GRM1: variants seen among roughly 807,000 people sequenced by gnomAD.
GRM1 encodes metabotropic glutamate receptor 1.
In GRM1, 33 loss-of-function variants were observed where a neutral mutation model predicts 90.9. The observed-to-expected ratio is 0.36, with a 90% CI of 0.28 to 0.49. GRM1 has a LOEUF of 0.49. Among genes scored for constraint, GRM1 ranks in the 20% least tolerant of loss-of-function variants. The pLI is 0.99. For missense variants in GRM1, 1,190 were observed against 1,534.3 expected, an observed-to-expected ratio of 0.78 and a Z score of 3.75; for synonymous variants, 700 against 613.2, an observed-to-expected ratio of 1.14 and a Z score of -2.09.
rs362892 is a variant in GRM1 at position 146,357,746 on chromosome 6, G to A, written c.1602+52G>A. The A allele has an allele frequency of 0.023, 31,574 of 1,376,916 alleles. 468 individuals are homozygous for A. Among genetic ancestry groups the A allele is most frequent in the Middle Eastern group, 0.038 (213 of 5,622 alleles). The allele number at this position is 1,376,916 out of a possible 1,614,324, so 85.3% of individuals were successfully genotyped here. A position where few individuals can be genotyped will look rare whatever the true frequency, so the allele number is the denominator to read the frequency against. Reference sequence around the variant, plus strand: ...GTATCTGTGAGGAGGTTGGCTGCCTGGACATTAGTAAAGAACAACACAGAC... The same window carrying A: ...GTATCTGTGAGGAGGTTGGCTGCCTAGACATTAGTAAAGAACAACACAGAC... On this transcript the variant is annotated intron_variant, in intron 5 of 7. Transcript: ENST00000282753.
At chr6:146,332,162 G>A (rs187950536) in intron 3 of GRM1, among the ~76,000 whole-genome samples, 7 of 152,226 alleles carry the variant, frequency 4.6e-5, no homozygotes, top group Admixed American at 2.6e-4. Flanking sequence ...GTGTGTATCT[G>A]CCAATGAGAG....
intron 1 of GRM1, among the ~76,000 whole-genome samples, chr6:146,071,555 G>T (rs1232532334): frequency 6.6e-6 from 1 of 152,070 alleles, no homozygotes; most frequent in Non-Finnish European, 1.5e-5. Flanking sequence ...GGAAGAGCAT[G>T]GTTTCTTTAG....
At chr6:146,318,314 T>C (rs1784049083) in intron 3 of GRM1, among the ~76,000 whole-genome samples, 1 of 152,212 alleles carries the variant, frequency 6.6e-6, no homozygotes, top group South Asian at 2.1e-4. Context: ...TCCATGTCCC[T>C]GCAAAGGACA....
intron 1 of GRM1, among the ~76,000 whole-genome samples, chr6:146,061,656 G>T (rs1775673147): frequency 6.6e-6 from 1 of 151,914 alleles, no homozygotes; most frequent in South Asian, 2.1e-4. Flanking sequence ...ACTGGGTGAA[G>T]GATATGAACA....
intron 3 of GRM1, among the ~76,000 whole-genome samples, chr6:146,318,598 G>A (rs1300972713): frequency 6.6e-6 from 1 of 152,128 alleles, no homozygotes; most frequent in Non-Finnish European, 1.5e-5. Flanking sequence ...CACTATGGTT[G>A]AACTAATTTA....
chr6:146,296,111 A>G (rs1309207775), intron 2 of GRM1, among the ~76,000 whole-genome samples: 3 of 152,088 alleles, frequency 2.0e-5, no homozygotes, highest in Non-Finnish European at 2.9e-5. Flanking sequence ...TCTTTATCCA[A>G]TCTGTTATAG....
chr6:146,199,641 G>C (rs540435536), intron 2 of GRM1, among the ~76,000 whole-genome samples: 1 of 152,272 alleles, frequency 6.6e-6, no homozygotes, highest in East Asian at 1.9e-4. Context: ...ACTGCCAGTA[G>C]AGGAGGTATG....
chr6:146,423,607 G>A (rs1157163053), intron 7 of GRM1, among the ~76,000 whole-genome samples: 1 of 152,058 alleles, frequency 6.6e-6, no homozygotes, highest in Non-Finnish European at 1.5e-5. Context: ...GCAGGAGTAG[G>A]TTTTAAGAGG....
chr6:146,249,790 C>T (rs771946187), intron 2 of GRM1, among the ~76,000 whole-genome samples: 32 of 152,248 alleles, frequency 2.1e-4, no homozygotes, highest in Admixed American at 5.2e-4. Flanking sequence ...CACCATGCAC[C>T]TGGAAAAGCC....
intron 5 of GRM1, among the ~76,000 whole-genome samples, chr6:146,366,174 A>C (rs2115077642): frequency 6.6e-6 from 1 of 152,338 alleles, no homozygotes; most frequent in South Asian, 2.1e-4. Context: ...TGAGTCAATG[A>C]ATGACTGAAT....
rs150168424 is a variant in GRM1 at position 146,260,968 on chromosome 6, C to T, written c.951-43643C>T. ...CATCTAGATACTGCTTGGCAAAAGC[C>T]GGGGTAGAGACATTGAGTGAAAGCC... On this transcript the variant is annotated intron_variant, in intron 2 of 7. Coordinates refer to ENST00000282753, the MANE Select transcript of GRM1 (RefSeq NM_001278064.2). Among the ~76,000 whole-genome samples the T allele has an allele frequency of 3.3e-3, 507 of 151,548 alleles. 8 individuals are homozygous for T. The highest frequency in any genetic ancestry group is 3.3e-3 in the Non-Finnish European group (223 of 67,874).
intron 2 of GRM1, among the ~76,000 whole-genome samples, chr6:146,228,521 G>T (rs1583193385): frequency 6.6e-6 from 1 of 152,140 alleles, no homozygotes. Context: ...CAGTGGCAAT[G>T]AAATTTCAAC....
At chr6:146,348,598 G>A (rs1785264299) in intron 3 of GRM1, among the ~76,000 whole-genome samples, 1 of 152,230 alleles carries the variant, frequency 6.6e-6, no homozygotes, top group African/African-American at 2.4e-5. Flanking sequence ...GGAAAGAGGT[G>A]TGAGCTATTA....
chr6:146,220,750 G>A (rs773725014), intron 2 of GRM1, among the ~76,000 whole-genome samples: 3 of 152,052 alleles, frequency 2.0e-5, no homozygotes, highest in African/African-American at 7.2e-5. Context: ...TACAGTAAAG[G>A]GGAAGGACAA....
At chr6:146,398,706 A>G (rs746039803) in intron 6 of GRM1, 63 bp from the exon 7 acceptor site, 2 of 1,079,210 alleles carry the variant, frequency 1.9e-6, no homozygotes, top group Admixed American at 1.7e-5. Context: ...GGTAATTAAT[A>G]GGCAAGTTGT....
chr6:146,095,938 C>A (rs936485372), intron 1 of GRM1, among the ~76,000 whole-genome samples: 5 of 152,102 alleles, frequency 3.3e-5, no homozygotes, highest in African/African-American at 1.2e-4. Flanking sequence ...GCAGTCTTTT[C>A]CATTTCAGAC....
chr6:146,159,761 T>C, intron 2 of GRM1, 164 bp downstream of exon 2: 2 of 641,056 alleles, frequency 3.1e-6, no homozygotes, highest in South Asian at 1.9e-5. Flanking sequence ...GTTCTGGATC[T>C]CACTGTTAAT....
At position 146,121,173 on chromosome 6, in the gene GRM1, T is replaced by C. The variant is rs561610271; in HGVS notation, c.701-38175T>C. On this transcript the variant is annotated intron_variant, in intron 1 of 7. Transcript: ENST00000282753. ...TTCCTGGGTTAGTCTTGGGAGGGTG[T>C]ATGTGTCCAGGAATTTATCAGTTTC... Among the ~76,000 whole-genome samples the C allele has an allele frequency of 1.5e-4, 23 of 152,298 alleles. 1 individual carries two copies. The East Asian group carries it at 4.2e-3, about 28-fold the overall frequency.
chr6:146,041,591 G>A (rs935565643), intron 1 of GRM1, among the ~76,000 whole-genome samples: 1 of 151,934 alleles, frequency 6.6e-6, no homozygotes, highest in African/African-American at 2.4e-5. Flanking sequence ...CTGACTAGGA[G>A]TTTATGCCCA....
Sources: allele counts gnomAD v4.1 joint callset (sites outside exome capture counted in the v4.1 genomes callset), GRCh38; gene constraint gnomAD v4.1.1; transcripts MANE v1.5; gene names NCBI Gene and HGNC (gene_info 2026-07-23, HGNC 2026-07-21).